ITFG1: variants seen among roughly 807,000 people sequenced by gnomAD.
ITFG1 encodes integrin alpha FG-GAP repeat containing 1, also known as T-cell immunomodulatory protein.
ITFG1 carries 34 observed loss-of-function variants against 81.8 expected under a neutral mutation model. That is an observed-to-expected ratio of 0.42 (90% CI 0.32 to 0.55). The LOEUF (loss-of-function observed/expected upper bound fraction) is 0.55, where lower values mean the gene tolerates loss of function less well. Among genes scored for constraint, ITFG1 ranks in the 20% least tolerant of loss-of-function variants. The pLI, the probability that ITFG1 is intolerant of heterozygous loss-of-function variation, is 0.17. For synonymous variants in ITFG1, 285 were observed against 270.6 expected, an observed-to-expected ratio of 1.05 and a Z score of -0.52; for missense variants, 672 against 755.4, an observed-to-expected ratio of 0.89 and a Z score of 1.29.
intron 13 of ITFG1, among the ~76,000 whole-genome samples, chr16:47,220,425 C>T (rs975854487): frequency 1.3e-5 from 2 of 152,192 alleles, no homozygotes; most frequent in Non-Finnish European, 2.9e-5. Context: ...AGCTAACTAA[C>T]GTTTTCTTGA....
intron 14 of ITFG1, among the ~76,000 whole-genome samples, chr16:47,217,233 C>T (rs959275609): frequency 1.6e-4 from 24 of 152,250 alleles, no homozygotes; most frequent in African/African-American, 5.8e-4. Context: ...CAGTGCATTC[C>T]TTAGATAATC....
At chr16:47,425,208 G>A (rs769866297) in intron 6 of ITFG1, among the ~76,000 whole-genome samples, 6 of 152,176 alleles carry the variant, frequency 3.9e-5, no homozygotes, top group South Asian at 2.1e-4. Flanking sequence ...AGACTGCTGC[G>A]CTAGCAGTGA....
chr16:47,414,461 G>A (rs1410317542), intron 6 of ITFG1, among the ~76,000 whole-genome samples: 1 of 151,992 alleles, frequency 6.6e-6, no homozygotes, highest in Non-Finnish European at 1.5e-5. Context: ...GGGAGGCAGA[G>A]GTTTCGGTGA....
At chr16:47,400,339 T>C (rs977327847) in intron 6 of ITFG1, among the ~76,000 whole-genome samples, 1 of 152,000 alleles carries the variant, frequency 6.6e-6, no homozygotes, top group Non-Finnish European at 1.5e-5. Context: ...TAGTGAGCTA[T>C]GAACATACCA....
intron 14 of ITFG1, 78 bp from the exon 15 acceptor site, chr16:47,162,742 G>T: frequency 7.4e-7 from 1 of 1,343,882 alleles, no homozygotes. Flanking sequence ...ATGATAAAAT[G>T]TTAAAAATTT....
intron 5 of ITFG1, among the ~76,000 whole-genome samples, chr16:47,446,578 G>A (rs575449979): frequency 7.2e-5 from 11 of 152,192 alleles, no homozygotes; most frequent in Middle Eastern, 3.4e-3. Context: ...AGAAGCACGC[G>A]TCCCACAGTT....
intron 12 of ITFG1, among the ~76,000 whole-genome samples, chr16:47,247,992 T>A (rs564900877): frequency 6.6e-6 from 1 of 152,228 alleles, no homozygotes; most frequent in African/African-American, 2.4e-5. Flanking sequence ...CTTGCTACTA[T>A]GTAAGCTAAT....
At chr16:47,216,789 G>C (rs532833569) in intron 14 of ITFG1, among the ~76,000 whole-genome samples, 1 of 151,934 alleles carries the variant, frequency 6.6e-6, no homozygotes, top group African/African-American at 2.4e-5. Flanking sequence ...AGCCTCCTGA[G>C]TAGCTGGAAT....
At chr16:47,354,374 C>T (rs993047302) in intron 8 of ITFG1, among the ~76,000 whole-genome samples, 1 of 151,946 alleles carries the variant, frequency 6.6e-6, no homozygotes, top group African/African-American at 2.4e-5. Context: ...AGTCAACCCC[C>T]ATTTCTCATC....
chr16:47,330,817 T>C (rs1967627115), intron 8 of ITFG1, among the ~76,000 whole-genome samples: 1 of 151,922 alleles, frequency 6.6e-6, no homozygotes, highest in Non-Finnish European at 1.5e-5. Flanking sequence ...AGTCAAAAAA[T>C]AACAGATGCT....
chr16:47,218,013 T>C (rs1165243730), intron 14 of ITFG1: 3 of 152,236 alleles, frequency 2.0e-5, no homozygotes, highest in East Asian at 1.9e-4. Context: ...GTTTCTGTGC[T>C]GAAGCAAGCA....
At chr16:47,156,290 T>TACAAAAAAATACAAAAAA (rs1964704178) in intron 17 of ITFG1, among the ~76,000 whole-genome samples, 1 of 151,998 alleles carries the variant, frequency 6.6e-6, no homozygotes, top group Admixed American at 6.6e-5. Context: ...AATACAAAAA[T>TACAAAAAAATACAAAAAA]TAGCTGAGTG....
At chr16:47,459,529 T>C (rs1439654334) in intron 1 of ITFG1, among the ~76,000 whole-genome samples, 1 of 152,198 alleles carries the variant, frequency 6.6e-6, no homozygotes, top group Non-Finnish European at 1.5e-5. Context: ...TCCCCGAATC[T>C]AGCAATGCTG....
At chr16:47,400,948 G>A (rs1968654436) in intron 6 of ITFG1, among the ~76,000 whole-genome samples, 1 of 152,180 alleles carries the variant, frequency 6.6e-6, no homozygotes, top group Non-Finnish European at 1.5e-5. Flanking sequence ...GGTGTGATAA[G>A]ATCTCATCTT....
At chr16:47,332,425 C>T (rs928995004) in intron 8 of ITFG1, among the ~76,000 whole-genome samples, 1 of 152,198 alleles carries the variant, frequency 6.6e-6, no homozygotes, top group African/African-American at 2.4e-5. Context: ...AAGCACTTCA[C>T]GGCCACTAAA....
At chr16:47,202,157 T>C (rs534706904) in intron 14 of ITFG1, 2 of 152,342 alleles carry the variant, frequency 1.3e-5, no homozygotes, top group South Asian at 2.1e-4. Context: ...AACTAGATAA[T>C]AGTAGACATT....
At chr16:47,207,737 C>T (rs553661010) in intron 14 of ITFG1, among the ~76,000 whole-genome samples, 2 of 152,318 alleles carry the variant, frequency 1.3e-5, no homozygotes, top group South Asian at 2.1e-4. Flanking sequence ...CTGGGGGCCA[C>T]AGGACGTTAA....
intron 13 of ITFG1, among the ~76,000 whole-genome samples, chr16:47,236,956 C>G (rs928965638): frequency 6.6e-6 from 1 of 152,182 alleles, no homozygotes; most frequent in Admixed American, 6.5e-5. Context: ...TTAACACTTT[C>G]CTGGCGGCCT....
chr16:47,409,537 T>C (rs1968782622), intron 6 of ITFG1, among the ~76,000 whole-genome samples: 1 of 142,670 alleles, frequency 7.0e-6, no homozygotes, highest in Non-Finnish European at 1.5e-5. Flanking sequence ...CGCCTCAGCC[T>C]CCTGAGTAGC....
Sources: gnomAD v4.1 joint callset for allele counts (sites outside exome capture counted in the v4.1 genomes callset) on GRCh38, gnomAD v4.1.1 for gene constraint, MANE v1.5 for transcripts, NCBI Gene and HGNC (gene_info 2026-07-23, HGNC 2026-07-21) for gene names.